Variants in DCTN5 observed in about 807,000 individuals in gnomAD.
The protein encoded by DCTN5 is dynactin 4.
A neutral mutation model predicts 23.5 loss-of-function variants in DCTN5; 14 were observed. The ratio of observed to expected loss-of-function variants is 0.60; its 90% CI spans 0.39 to 0.93. The LOEUF (loss-of-function observed/expected upper bound fraction) is 0.93, where lower values mean the gene tolerates loss of function less well. Among genes scored for constraint, DCTN5 ranks in the 40% least tolerant of loss-of-function variants. The pLI, the probability that DCTN5 is intolerant of heterozygous loss-of-function variation, is 0.00. For synonymous variants in DCTN5, 67 were observed against 79.6 expected, an observed-to-expected ratio of 0.84 and a Z score of 0.84; for missense variants, 156 against 225.9, an observed-to-expected ratio of 0.69 and a Z score of 1.98.
In DCTN5 at chr16:23,641,503, C is replaced by G. The variant is rs753226480; in HGVS notation, c.-40C>G. On this transcript the variant is annotated 5_prime_UTR_variant, in exon 1 of 6. Coordinates refer to ENST00000300087, the MANE Select transcript of DCTN5 (RefSeq NM_032486.4). Reference sequence around the variant, plus strand: ...AATCTCTGAAAGACTGACCGACTGACTCTGACAGGATCCGGGGCTGAGGGA... The same window carrying G: ...AATCTCTGAAAGACTGACCGACTGAGTCTGACAGGATCCGGGGCTGAGGGA... The G allele has an allele frequency of 3.0e-5, 49 of 1,613,230 alleles. No individual in the cohort carries two copies. In the South Asian group the frequency reaches 4.9e-4, roughly 16 times the overall value.
rs1967941838 is a variant in DCTN5, at chr16:23,668,244, A to G, written c.*1100A>G. The G allele has an allele frequency of 6.6e-6, 1 of 152,224 alleles. No homozygotes were observed. The highest frequency in any genetic ancestry group is 2.4e-5 in the African/African-American group (1 of 41,458). The allele number at this position is 152,224 out of a possible 1,614,324, so 9.4% of individuals were successfully genotyped here. A position where few individuals can be genotyped will look rare whatever the true frequency, so the allele number is the denominator to read the frequency against. Reference sequence around the variant, plus strand: ...GCCTAATGCTCTGATCTGTAAGTGAATAGGGCAGAACAGTTCAGCCTTGAG... The same window carrying G: ...GCCTAATGCTCTGATCTGTAAGTGAGTAGGGCAGAACAGTTCAGCCTTGAG... On this transcript the variant is annotated 3_prime_UTR_variant, in exon 6 of 6. Transcript: ENST00000300087.
chr16:23,651,097 TA>T, intron 2 of DCTN5: 46 of 1,319,570 alleles, frequency 3.5e-5, no homozygotes, highest in South Asian at 1.1e-4. Context: ...AGGAGATAGC[TA>T]AAAAAAATTA....
intron 5 of DCTN5, 93 bp from the exon 6 acceptor site, chr16:23,666,954 A>G (rs1312180274): frequency 3.2e-6 from 5 of 1,553,106 alleles, no homozygotes; most frequent in Non-Finnish European, 3.5e-6. Context: ...TCAGACATGC[A>G]TCTGATTGAG....
Position 23,673,094 on chromosome 16 carries a change from C to G in DCTN5, c.*5950C>G, listed in dbSNP as rs1191990696. On this transcript the variant is annotated 3_prime_UTR_variant, in exon 6 of 6. Coordinates refer to ENST00000300087, the MANE Select transcript of DCTN5 (RefSeq NM_032486.4). ...AGTGAGCTGTAATTGTGCCACTGCA[C>G]TCCAGCCTGGGCGACAGAGCGAGAC... The G allele has an allele frequency of 2.7e-5, 4 of 148,598 alleles. No homozygotes were observed. Among genetic ancestry groups the G allele is most frequent in the Admixed American group, 6.7e-5 (1 of 14,894 alleles). 9.2% of individuals were successfully genotyped at this position (148,598 alleles called of 1,614,324 possible).
At chr16:23,658,867 G>A (rs565655006) in intron 3 of DCTN5, among the ~76,000 whole-genome samples, 5 of 152,192 alleles carry the variant, frequency 3.3e-5, no homozygotes, top group East Asian at 1.9e-4. Flanking sequence ...ACAGACTGGC[G>A]TATATAATGG....
At chr16:23,650,692 A>G in intron 2 of DCTN5, 1 of 1,441,550 alleles carries the variant, frequency 6.9e-7, no homozygotes, top group Non-Finnish European at 9.4e-7. Context: ...GTGGAAAGTT[A>G]CTTTGTTTCT....
chr16:23,664,291 CTT>C (rs1967867482), intron 4 of DCTN5, among the ~76,000 whole-genome samples: 1 of 152,196 alleles, frequency 6.6e-6, no homozygotes, highest in Non-Finnish European at 1.5e-5. Flanking sequence ...AGATCAGCCA[CTT>C]GGGAAATTCA....
chr16:23,669,769 T>C lies in DCTN5; in HGVS notation c.*2625T>C, dbSNP rs1288274492. ...CTTGGGAGTTGCCTTCTGAGGATAC[T>C]CCACTGGGGGTACCTGAGCCTGGAT... is the stretch of plus-strand genomic sequence containing the variant. On this transcript the variant is annotated 3_prime_UTR_variant, in exon 6 of 6. Coordinates refer to ENST00000300087, the MANE Select transcript of DCTN5 (RefSeq NM_032486.4). 1 of 152,200 alleles carries C rather than the reference T, an allele frequency of 6.6e-6. No homozygotes were observed. The highest frequency in any genetic ancestry group is 1.5e-5 in the Non-Finnish European group (1 of 68,070). 9.4% of individuals were successfully genotyped at this position (152,200 alleles called of 1,614,324 possible).
At chr16:23,651,565 A>T (rs1231937443) in intron 2 of DCTN5, among the ~76,000 whole-genome samples, 2 of 152,210 alleles carry the variant, frequency 1.3e-5, no homozygotes, top group African/African-American at 2.4e-5. Flanking sequence ...AATACCCAGG[A>T]CTTTTGGAAT....
rs1967965364 is a variant in DCTN5 at position 23,669,416 on chromosome 16, AT to A, written c.*2273del. The A allele has an allele frequency of 6.6e-6, 1 of 152,242 alleles. No homozygotes were observed. The highest frequency in any genetic ancestry group is 2.1e-4 in the South Asian group (1 of 4,818). The allele number at this position is 152,242 out of a possible 1,614,324, so 9.4% of individuals were successfully genotyped here. On this transcript the variant is annotated 3_prime_UTR_variant, in exon 6 of 6. Transcript: ENST00000300087. ...TGTGGCCCCACAGCACCAGTTATTG[AT>A]AAAAAGAGCTCCCCTTTGCTGACAG... is the stretch of plus-strand genomic sequence containing the variant.
rs1967996780 is a variant in DCTN5 at position 23,670,990 on chromosome 16, G to A, written c.*3846G>A. ...TACAGTGGAGACTAAGATGGAGCCA[G>A]TTCTTTCTCATAGGGATCTCACAGC... On this transcript the variant is annotated 3_prime_UTR_variant, in exon 6 of 6. Transcript: ENST00000300087. 1 of 152,236 alleles carries A rather than the reference G, an allele frequency of 6.6e-6. No homozygotes were observed. Among genetic ancestry groups the A allele is most frequent in the Non-Finnish European group, 1.5e-5 (1 of 68,046 alleles). 9.4% of individuals were successfully genotyped at this position (152,236 alleles called of 1,614,324 possible). A position where few individuals can be genotyped will look rare whatever the true frequency, so the allele number is the denominator to read the frequency against.
rs1967412452 is a variant in DCTN5, at chr16:23,645,112, TATATATATATATA to T, written c.117+2090_117+2102del. On this transcript the variant is annotated intron_variant, in intron 2 of 5. Coordinates refer to ENST00000300087, the MANE Select transcript of DCTN5 (RefSeq NM_032486.4). The stretch of plus-strand genomic sequence containing the variant: ...ATATATATATATATATATATATATA[TATATATATATATA>T]TATATATATATATTTTTTTTTTTTT... Among the ~76,000 whole-genome samples, 11 of 39,834 alleles carry T rather than the reference TATATATATATATA, an allele frequency of 2.8e-4. 1 individual carries two copies. The highest frequency in any genetic ancestry group is 6.1e-4 in the Admixed American group (2 of 3,262). 26.1% of individuals were successfully genotyped at this position (39,834 alleles called of 152,430 possible).
intron 2 of DCTN5, chr16:23,651,032 A>T: frequency 7.2e-7 from 1 of 1,395,454 alleles, no homozygotes; most frequent in Non-Finnish European, 9.3e-7. Context: ...TCCACTACTC[A>T]AATAGTAATG....
chr16:23,644,753 T>C (rs1967388022), intron 2 of DCTN5, among the ~76,000 whole-genome samples: 2 of 151,602 alleles, frequency 1.3e-5, no homozygotes, highest in South Asian at 2.1e-4. Context: ...TTTTTTCTTA[T>C]GGTGAACTAT....
rs891232830 is a variant in DCTN5 at position 23,675,465 on chromosome 16, A to T, written c.*8321A>T. ...CAGTGAGCCAAAATCGTGCCACCGC[A>T]CTCTAGCCTGGGCAACAGAGCCAGA... On this transcript the variant is annotated 3_prime_UTR_variant, in exon 6 of 6. Transcript: ENST00000300087. 7 of 149,804 alleles carry T rather than the reference A, an allele frequency of 4.7e-5. No homozygotes were observed. The highest frequency in any genetic ancestry group is 1.7e-4 in the African/African-American group (7 of 40,560). 9.3% of individuals were successfully genotyped at this position (149,804 alleles called of 1,614,324 possible).
intron 2 of DCTN5, chr16:23,651,063 T>C: frequency 7.3e-7 from 1 of 1,377,674 alleles, no homozygotes; most frequent in Non-Finnish European, 9.4e-7. Flanking sequence ...AATGATTTGT[T>C]AAAATGCCAC....
chr16:23,649,006 C>A (rs1967539326), intron 2 of DCTN5, among the ~76,000 whole-genome samples: 3 of 152,132 alleles, frequency 2.0e-5, no homozygotes, highest in South Asian at 4.2e-4. Context: ...TACAGGCGCA[C>A]ACCACCATGC....
At chr16:23,651,116 TAAA>T in intron 2 of DCTN5, 2 of 1,301,574 alleles carry the variant, frequency 1.5e-6, no homozygotes, top group South Asian at 2.1e-5. Context: ...TTAAAAGAAA[TAAA>T]TAATAAAAAT....
intron 4 of DCTN5, among the ~76,000 whole-genome samples, chr16:23,661,717 T>TATAAATAAATAAATAAATAA (rs370377120): frequency 1.3e-4 from 19 of 148,448 alleles, no homozygotes; most frequent in African/African-American, 4.0e-4. Context: ...GACACTGTCT[T>TATAAATAAATAAATAAATAA]ATAAATAAAT....
Sources: gnomAD v4.1 joint callset for allele counts (sites outside exome capture counted in the v4.1 genomes callset) on GRCh38, gnomAD v4.1.1 for gene constraint, MANE v1.5 for transcripts, NCBI Gene and HGNC (gene_info 2026-07-23, HGNC 2026-07-21) for gene names.